Variants in NRXN3 observed in about 807,000 individuals in gnomAD.
NRXN3 encodes the protein neurexin III.
In NRXN3, 32 loss-of-function variants were observed where a neutral mutation model predicts 137.6. The ratio of observed to expected loss-of-function variants is 0.23; its 90% CI spans 0.18 to 0.31. The LOEUF is 0.31. NRXN3 is among the 10% of genes least tolerant of loss of function. The pLI is 1.00. For missense variants in NRXN3, 1,574 were observed against 2,062.5 expected (o/e 0.76, Z 4.59); for synonymous variants, 798 against 784.5 (o/e 1.02, Z -0.29).
At chr14:79,860,496 GAAAT>G (rs1489911327) in intron 20 of NRXN3, among the ~76,000 whole-genome samples, 1 of 152,206 alleles carries the variant, frequency 6.6e-6, no homozygotes, top group African/African-American at 2.4e-5. Context: ...TAATAAGTGT[GAAAT>G]AAAAGGAAGT....
intron 12 of NRXN3, among the ~76,000 whole-genome samples, chr14:78,966,991 G>A (rs1473173371): frequency 6.6e-6 from 1 of 152,146 alleles, no homozygotes; most frequent in African/African-American, 2.4e-5. Flanking sequence ...AGTAGGTAGT[G>A]TTAATGAAGT....
intron 4 of NRXN3, among the ~76,000 whole-genome samples, chr14:78,469,155 A>C (rs947567470): frequency 1.3e-5 from 2 of 152,166 alleles, no homozygotes; most frequent in African/African-American, 4.8e-5. Flanking sequence ...AATTAAGCTT[A>C]AATTTCTGGG....
intron 4 of NRXN3, among the ~76,000 whole-genome samples, chr14:78,388,207 A>G (rs1454931468): frequency 1.3e-5 from 2 of 152,154 alleles, no homozygotes; most frequent in African/African-American, 4.8e-5. Flanking sequence ...TCACCTAGAG[A>G]GTAAGTGATT....
intron 19 of NRXN3, among the ~76,000 whole-genome samples, chr14:79,710,358 A>C (rs1413800430): frequency 6.6e-6 from 1 of 152,190 alleles, no homozygotes; most frequent in Non-Finnish European, 1.5e-5. Context: ...TTTAAAAAAA[A>C]ATAATAAAAA....
At chr14:79,691,210 G>A (rs2098715278) in intron 17 of NRXN3, among the ~76,000 whole-genome samples, 1 of 151,998 alleles carries the variant, frequency 6.6e-6, no homozygotes, top group South Asian at 2.1e-4. Context: ...AGGAAGAGGG[G>A]GGGCATACTG....
intron 11 of NRXN3, among the ~76,000 whole-genome samples, chr14:78,957,990 C>T (rs938815889): frequency 6.6e-6 from 1 of 152,134 alleles, no homozygotes; most frequent in Non-Finnish European, 1.5e-5. Flanking sequence ...CAGAGCTCCA[C>T]ACAATCAATA....
Position 79,848,523 on chromosome 14 carries a change from A to G in NRXN3, c.4094-12819A>G, listed in dbSNP as rs563618465. Among the ~76,000 whole-genome samples the G allele has an allele frequency of 3.9e-5, 6 of 152,238 alleles. No homozygotes were observed. In the South Asian group the frequency reaches 1.0e-3, roughly 26 times the overall value. On this transcript the variant is annotated intron_variant, in intron 20 of 20. Transcript: ENST00000335750. ...TGTGGCCCAAGACAATTCTTCTTCCACTGTGGCCCAGGGAAGCCAAAAGAT... is the reference window on the plus strand; with the variant it reads ...TGTGGCCCAAGACAATTCTTCTTCCGCTGTGGCCCAGGGAAGCCAAAAGAT...
At chr14:79,044,966 A>C (rs1039766877) in intron 15 of NRXN3, among the ~76,000 whole-genome samples, 1 of 152,036 alleles carries the variant, frequency 6.6e-6, no homozygotes, top group Non-Finnish European at 1.5e-5. Context: ...GAAAATGCCT[A>C]TGGTGTCTTT....
At chr14:78,554,031 A>T (rs982376954) in intron 4 of NRXN3, among the ~76,000 whole-genome samples, 1 of 152,134 alleles carries the variant, frequency 6.6e-6, no homozygotes, top group African/African-American at 2.4e-5. Context: ...GTGCACTCTG[A>T]TGGGAACAGA....
chr14:79,028,010 G>T (rs1222650091), intron 15 of NRXN3, among the ~76,000 whole-genome samples: 1 of 152,100 alleles, frequency 6.6e-6, no homozygotes, highest in Admixed American at 6.6e-5. Context: ...ATACAATGGG[G>T]ATGATAATAT....
At position 79,740,712 on chromosome 14, in the gene NRXN3, TTATATATATATATATA is replaced by T. The variant is rs869216055; in HGVS notation, c.4014+42816_4014+42831del. 4.6e-3 allele frequency among the ~76,000 whole-genome samples: 74 copies of T among 16,130 alleles called. 1 individual carries two copies. The highest frequency in any genetic ancestry group is 0.017 in the South Asian group (10 of 586). The allele number at this position is 16,130 out of a possible 152,430, so 10.6% of individuals were successfully genotyped here. ...TCCACTGGACTTTGCATTTAGTTTT[TTATATATATATATATA>T]TATATATATATATATATATATATAT... On this transcript the variant is annotated intron_variant, in intron 19 of 20. Coordinates refer to ENST00000335750, the MANE Select transcript of NRXN3 (RefSeq NM_001330195.2).
intron 15 of NRXN3, among the ~76,000 whole-genome samples, chr14:79,220,580 G>A (rs139759893): frequency 2.0e-5 from 3 of 152,154 alleles, no homozygotes; most frequent in Non-Finnish European, 4.4e-5. Context: ...TCTCTGTGCT[G>A]TGCTTCCTCA....
intron 1 of NRXN3, among the ~76,000 whole-genome samples, chr14:78,189,679 G>A (rs926909574): frequency 2.0e-5 from 3 of 151,896 alleles, no homozygotes; most frequent in Non-Finnish European, 2.9e-5. Flanking sequence ...CTCCACTTCC[G>A]GGTTTGAGCA....
At chr14:79,326,559 A>G (rs375163929) in intron 15 of NRXN3, among the ~76,000 whole-genome samples, 2 of 152,272 alleles carry the variant, frequency 1.3e-5, no homozygotes, top group East Asian at 3.9e-4. Context: ...CAGAAACCCT[A>G]TATTTTCTCA....
chr14:79,404,910 T>G (rs2095280046), intron 15 of NRXN3, among the ~76,000 whole-genome samples: 1 of 152,156 alleles, frequency 6.6e-6, no homozygotes, highest in Non-Finnish European at 1.5e-5. Context: ...TGCACACATA[T>G]GCACACAGAT....
intron 4 of NRXN3, among the ~76,000 whole-genome samples, chr14:78,644,624 CTGAGT>C (rs1376390598): frequency 1.3e-5 from 2 of 152,156 alleles, no homozygotes; most frequent in African/African-American, 4.8e-5. Context: ...CCAAAGTTAG[CTGAGT>C]TATTGACAGA....
chr14:78,623,180 T>C (rs2097422631), intron 4 of NRXN3, among the ~76,000 whole-genome samples: 1 of 152,216 alleles, frequency 6.6e-6, no homozygotes. Flanking sequence ...CTTTATACAT[T>C]ATGTATGTTA....
intron 3 of NRXN3, among the ~76,000 whole-genome samples, chr14:78,296,060 CTTTT>C (rs1204627546): frequency 3.1e-5 from 4 of 130,208 alleles, no homozygotes; most frequent in Non-Finnish European, 1.7e-5. Context: ...CTCTCTCTGT[CTTTT>C]TTTTTTTTTT....
chr14:79,184,747 G>C (rs1225522489), intron 15 of NRXN3, among the ~76,000 whole-genome samples: 1 of 152,138 alleles, frequency 6.6e-6, no homozygotes, highest in Non-Finnish European at 1.5e-5. Context: ...TTAAATACCA[G>C]AATATGTTTT....
Sources: allele counts gnomAD v4.1 joint callset (sites outside exome capture counted in the v4.1 genomes callset), GRCh38; gene constraint gnomAD v4.1.1; transcripts MANE v1.5; gene names NCBI Gene and HGNC (gene_info 2026-07-23, HGNC 2026-07-21).